The following KCTD16 variants were observed in gnomAD, a reference collection of about 807,000 sequenced individuals.
KCTD16 encodes potassium channel tetramerization domain containing 16, also known as BTB/POZ domain-containing protein KCTD16.
Under a neutral mutation model 33.2 loss-of-function variants are expected in KCTD16, and 13 were observed. The ratio of observed to expected loss-of-function variants is 0.39; its 90% CI spans 0.25 to 0.62. The LOEUF (loss-of-function observed/expected upper bound fraction) is 0.62. KCTD16 is among the 20% of genes least tolerant of loss of function. KCTD16 has a pLI of 0.50. For missense variants in KCTD16, 441 were observed against 525.1 expected (o/e 0.84, Z 1.57); for synonymous variants, 197 against 195.3 (o/e 1.01, Z -0.07).
intron 3 of KCTD16, among the ~76,000 whole-genome samples, chr5:144,271,153 T>G (rs532288055): frequency 6.6e-6 from 1 of 152,112 alleles, no homozygotes; most frequent in African/African-American, 2.4e-5. Context: ...AGGGAAAAAT[T>G]CCTAACTAAT....
intron 3 of KCTD16, among the ~76,000 whole-genome samples, chr5:144,301,649 T>C (rs1751447004): frequency 6.6e-6 from 1 of 152,222 alleles, no homozygotes; most frequent in African/African-American, 2.4e-5. Flanking sequence ...CTCGACATAG[T>C]GAACAGGATA....
At chr5:144,254,448 C>T (rs1315030826) in intron 3 of KCTD16, among the ~76,000 whole-genome samples, 1 of 152,092 alleles carries the variant, frequency 6.6e-6, no homozygotes, top group East Asian at 1.9e-4. Context: ...GCTGATCACC[C>T]AACCAGAAGA....
Position 144,276,444 on chromosome 5 carries a change from G to A in KCTD16, c.832+68898G>A, listed in dbSNP as rs150588659. Among the ~76,000 whole-genome samples the A allele has an allele frequency of 3.3e-4, 50 of 152,256 alleles. 1 individual carries two copies. In the East Asian group the frequency reaches 5.8e-3, roughly 18 times the overall value. On this transcript the variant is annotated intron_variant, in intron 3 of 3. Transcript: ENST00000512467. ...AATACCACAAGGAATATTTTTGCAT[G>A]TGGTTCATATTAGGGTAAAATCTTA... is the stretch of plus-strand genomic sequence containing the variant.
chr5:144,455,672 G>A (rs1162101285), intron 3 of KCTD16, among the ~76,000 whole-genome samples: 1 of 152,190 alleles, frequency 6.6e-6, no homozygotes, highest in African/African-American at 2.4e-5. Context: ...AATTGCAGCA[G>A]TCCAGAAGGT....
At chr5:144,468,592 C>T (rs538128538) in intron 3 of KCTD16, among the ~76,000 whole-genome samples, 56 of 152,302 alleles carry the variant, frequency 3.7e-4, no homozygotes, top group Middle Eastern at 3.4e-3. Flanking sequence ...TATGCAATAT[C>T]GTTTTCAAGG....
intron 3 of KCTD16, among the ~76,000 whole-genome samples, chr5:144,223,015 C>G (rs1161312141): frequency 6.6e-6 from 1 of 152,064 alleles, no homozygotes; most frequent in Non-Finnish European, 1.5e-5. Context: ...AGCTGGAAAC[C>G]ATCATGCTCA....
At chr5:144,472,945 A>G (rs1055175801) in intron 3 of KCTD16, among the ~76,000 whole-genome samples, 2 of 152,230 alleles carry the variant, frequency 1.3e-5, no homozygotes, top group African/African-American at 4.8e-5. Context: ...ATCTGTATTC[A>G]AATCTCAGCT....
At chr5:144,234,790 G>T (rs1754202997) in intron 3 of KCTD16, among the ~76,000 whole-genome samples, 1 of 151,958 alleles carries the variant, frequency 6.6e-6, no homozygotes, top group Non-Finnish European at 1.5e-5. Flanking sequence ...TTATGTTATA[G>T]GTTATACATA....
At chr5:144,264,555 G>T (rs140723441) in intron 3 of KCTD16, among the ~76,000 whole-genome samples, 1 of 152,228 alleles carries the variant, frequency 6.6e-6, no homozygotes, top group African/African-American at 2.4e-5. Context: ...TTGAGCCCAG[G>T]AGTTCGAGTC....
At chr5:144,467,966 G>A (rs968768183) in intron 3 of KCTD16, among the ~76,000 whole-genome samples, 5 of 152,240 alleles carry the variant, frequency 3.3e-5, no homozygotes, top group African/African-American at 1.2e-4. Flanking sequence ...GAGGGTGCTA[G>A]AGGGAGACAC....
At chr5:144,423,798 GTAA>G (rs1228261744) in intron 3 of KCTD16, among the ~76,000 whole-genome samples, 1 of 152,080 alleles carries the variant, frequency 6.6e-6, no homozygotes, top group African/African-American at 2.4e-5. Context: ...GAGAAAAAAA[GTAA>G]TAAATAACCA....
At chr5:144,297,985 C>A (rs1255800510) in intron 3 of KCTD16, among the ~76,000 whole-genome samples, 1 of 152,174 alleles carries the variant, frequency 6.6e-6, no homozygotes. Context: ...TGACTTTCAT[C>A]CCTCTGGATT....
intron 3 of KCTD16, among the ~76,000 whole-genome samples, chr5:144,229,316 A>T (rs1754028991): frequency 6.6e-6 from 1 of 152,182 alleles, no homozygotes; most frequent in African/African-American, 2.4e-5. Context: ...CAATGGATTG[A>T]AGATCTCTCT....
chr5:144,190,151 T>C (rs1697597866), intron 2 of KCTD16, among the ~76,000 whole-genome samples: 1 of 152,200 alleles, frequency 6.6e-6, no homozygotes, highest in African/African-American at 2.4e-5. Flanking sequence ...ATACCTCTAT[T>C]ATAGCTCCTA....
At chr5:144,258,137 T>A (rs369737463) in intron 3 of KCTD16, among the ~76,000 whole-genome samples, 1 of 152,260 alleles carries the variant, frequency 6.6e-6, no homozygotes, top group East Asian at 1.9e-4. Flanking sequence ...AATGCTGAAA[T>A]GAGTAATATC....
intron 2 of KCTD16, chr5:144,205,850 T>A (rs1303330893): frequency 3.1e-6 from 1 of 326,428 alleles, no homozygotes; most frequent in Non-Finnish European, 5.5e-6. Flanking sequence ...AAATAGGCAT[T>A]TATATAAATG....
At chr5:144,217,525 ATATTTTCAACAATTTTAGGTCAAT>A (rs1206369462) in intron 3 of KCTD16, among the ~76,000 whole-genome samples, 2 of 152,208 alleles carry the variant, frequency 1.3e-5, no homozygotes, top group African/African-American at 2.4e-5. Context: ...ATAATGTGTG[ATATTTTCAACAATTTTAGGTCAAT>A]TTTGGATGTT....
chr5:144,471,643 A>G (rs1754478894), intron 3 of KCTD16, among the ~76,000 whole-genome samples: 1 of 152,184 alleles, frequency 6.6e-6, no homozygotes, highest in African/African-American at 2.4e-5. Context: ...GATCCCCTCA[A>G]AATGTATGCT....
chr5:144,194,656 G>C (rs1416116378), intron 2 of KCTD16, among the ~76,000 whole-genome samples: 1 of 152,134 alleles, frequency 6.6e-6, no homozygotes, highest in Non-Finnish European at 1.5e-5. Flanking sequence ...TATTTATTTA[G>C]TTCTCACAAA....
Sources: allele counts gnomAD v4.1 joint callset (sites outside exome capture counted in the v4.1 genomes callset), GRCh38; gene constraint gnomAD v4.1.1; transcripts MANE v1.5; gene names NCBI Gene and HGNC (gene_info 2026-07-23, HGNC 2026-07-21).